TRPM6: variants seen among roughly 807,000 people sequenced by gnomAD.
TRPM6 encodes channel kinase 2.
A neutral mutation model predicts 247.6 loss-of-function variants in TRPM6; 111 were observed. The ratio of observed to expected loss-of-function variants is 0.45; its 90% CI spans 0.38 to 0.52. TRPM6 has a LOEUF of 0.52. TRPM6 is among the 20% of genes least tolerant of loss of function. TRPM6 has a pLI of 0.00. For missense variants in TRPM6, 2,126 were observed against 2,421.5 expected (o/e 0.88, Z 2.56); for synonymous variants, 892 against 853.8 (o/e 1.04, Z -0.78).
chr9:74,748,031 G>A (rs1374056279), intron 30 of TRPM6, 117 bp from the exon 31 acceptor site: 7 of 939,912 alleles, frequency 7.4e-6, no homozygotes, highest in Admixed American at 1.8e-5. Flanking sequence ...TTATATACAT[G>A]TGAAATACAT....
rs138641839 is a variant in TRPM6, at chr9:74,880,547, G to GAA, written c.33+7275_33+7276dup. ...AATGCAATGATATATTCAAAATACC[G>GAA]AAAAAAAAAGCACTGCCATCCAAGG... On this transcript the variant is annotated intron_variant, in intron 1 of 38. Coordinates refer to ENST00000360774, the MANE Select transcript of TRPM6 (RefSeq NM_017662.5). Among the ~76,000 whole-genome samples, 1,391 of 149,938 alleles carry GAA rather than the reference G, an allele frequency of 9.3e-3. 19 individuals are homozygous for GAA. The highest frequency in any genetic ancestry group is 0.033 in the African/African-American group (1,334 of 40,956).
intron 12 of TRPM6, 79 bp from the exon 13 acceptor site, chr9:74,810,947 A>AT: frequency 8.9e-7 from 1 of 1,119,416 alleles, no homozygotes; most frequent in South Asian, 1.3e-5. Flanking sequence ...TTCAGAATGC[A>AT]TAAGTAACTG....
chr9:74,736,440 G>T (rs1371682389), intron 36 of TRPM6, among the ~76,000 whole-genome samples: 2 of 152,136 alleles, frequency 1.3e-5, no homozygotes, highest in African/African-American at 4.8e-5. Context: ...AAACCATTAA[G>T]AGATTTTAAA....
chr9:74,758,865 T>A (rs1826527053), intron 27 of TRPM6, among the ~76,000 whole-genome samples: 1 of 152,152 alleles, frequency 6.6e-6, no homozygotes, highest in East Asian at 1.9e-4. Context: ...GATGACATGG[T>A]CATGTATACA....
chr9:74,796,688 T>A, intron 18 of TRPM6, 53 bp downstream of exon 18: 1 of 1,582,948 alleles, frequency 6.3e-7, no homozygotes, highest in South Asian at 1.1e-5. Flanking sequence ...GATGTGTATA[T>A]TTGCGTGCAG....
chr9:74,807,306 A>G (rs1228894743), intron 14 of TRPM6, among the ~76,000 whole-genome samples: 5 of 152,184 alleles, frequency 3.3e-5, no homozygotes. Context: ...GTCACAGCAG[A>G]AACATACCTG....
At chr9:74,818,942 T>C (rs1301368399) in intron 9 of TRPM6, among the ~76,000 whole-genome samples, 1 of 152,038 alleles carries the variant, frequency 6.6e-6, no homozygotes, top group Admixed American at 6.6e-5. Flanking sequence ...TCTAGAAAGA[T>C]CACCTTGAAT....
intron 22 of TRPM6, 86 bp downstream of exon 22, chr9:74,782,593 A>T (rs1179007810): frequency 2.3e-5 from 35 of 1,536,938 alleles, no homozygotes; most frequent in Admixed American, 3.4e-5. Flanking sequence ...CATTTTTAAG[A>T]TTTAGATGAT....
At chr9:74,765,769 G>C (rs576201402) in intron 25 of TRPM6, among the ~76,000 whole-genome samples, 4 of 152,220 alleles carry the variant, frequency 2.6e-5, no homozygotes, top group Non-Finnish European at 5.9e-5. Context: ...CAAGTCACAG[G>C]GATTGAAAGA....
chr9:74,838,875 C>G (rs1428642676), intron 5 of TRPM6, among the ~76,000 whole-genome samples: 1 of 151,916 alleles, frequency 6.6e-6, no homozygotes, highest in African/African-American at 2.4e-5. Flanking sequence ...TTTGGGAGGC[C>G]AAGGTGGGCA....
At chr9:74,790,571 C>T (rs1168177935) in intron 19 of TRPM6, among the ~76,000 whole-genome samples, 4 of 152,170 alleles carry the variant, frequency 2.6e-5, no homozygotes, top group Non-Finnish European at 5.9e-5. Context: ...CCCTACATAA[C>T]TGTAAGCTGT....
At chr9:74,810,520 G>T (rs1221298491) in intron 13 of TRPM6, among the ~76,000 whole-genome samples, 1 of 152,128 alleles carries the variant, frequency 6.6e-6, no homozygotes, top group African/African-American at 2.4e-5. Flanking sequence ...GCACCACCAC[G>T]GTATCGGGGT....
chr9:74,790,006 ATGTGTG>A (rs71912381), intron 19 of TRPM6, among the ~76,000 whole-genome samples: 14 of 132,816 alleles, frequency 1.1e-4, no homozygotes, highest in African/African-American at 1.4e-4. Context: ...TGAGAGAAAA[ATGTGTG>A]TGTGTGTGTG....
Position 74,751,959 on chromosome 9 carries a change from C to A in TRPM6, c.4998+318G>T, listed in dbSNP as rs116164657. Among the ~76,000 whole-genome samples the A allele has an allele frequency of 7.8e-3, 1,181 of 152,308 alleles. 9 individuals are homozygous for A. Among genetic ancestry groups the A allele is most frequent in the African/African-American group, 0.027 (1,133 of 41,586 alleles). The stretch of plus-strand genomic sequence containing the variant: ...GTATAGAAAATAGCTTATTTTTCTT[C>A]CACATGACAACTTTCATATATTTGA... On this transcript the variant is annotated intron_variant, in intron 29 of 38. Coordinates refer to ENST00000360774, the MANE Select transcript of TRPM6 (RefSeq NM_017662.5).
chr9:74,782,302 A>G (rs1827490607), intron 23 of TRPM6, 60 bp downstream of exon 23: 1 of 1,256,994 alleles, frequency 8.0e-7, no homozygotes, highest in Admixed American at 1.7e-5. Context: ...ATGTGAATCT[A>G]CTCAACATAT....
In TRPM6 at chr9:74,816,923, C is replaced by T; in HGVS notation, c.1176G>A (p.Leu392=). 1 of 1,614,146 alleles carries T rather than the reference C, an allele frequency of 6.2e-7. No individual in the cohort carries two copies. Among genetic ancestry groups the T allele is most frequent in the South Asian group, 1.1e-5 (1 of 91,078 alleles). The change falls in exon 10 of 39, where the codon CTG becomes CTA. Residue 392 remains leucine, a synonymous_variant. Transcript: ENST00000360774. The part of the protein sequence containing the change: ...FDADSEEQQD[L]DLAILTALLK... Reference sequence around the variant, plus strand: ...GCAAAGCTGTTAGGATTGCTAAGTCCAGGTCTTGCTGCTCTTCAGAGTCAG... The same window carrying T: ...GCAAAGCTGTTAGGATTGCTAAGTCTAGGTCTTGCTGCTCTTCAGAGTCAG...
chr9:74,756,681 CAAAA>C (rs1217543421), intron 27 of TRPM6, among the ~76,000 whole-genome samples: 3 of 51,772 alleles, frequency 5.8e-5, no homozygotes, highest in African/African-American at 1.3e-4. Context: ...CCCGTCTCTA[CAAAA>C]AAAAAAAAAA....
At position 74,737,340 on chromosome 9, in the gene TRPM6, A is replaced by G. The variant is rs1396405165; in HGVS notation, c.5776+1067T>C. ...ATGTGACACAAGTTTCAATCAAAGT[A>G]CTTTGCAGTCTTACCGGACATTGCT... On this transcript the variant is annotated intron_variant, in intron 36 of 38. Coordinates refer to ENST00000360774, the MANE Select transcript of TRPM6 (RefSeq NM_017662.5). The G allele has an allele frequency of 7.8e-6, 10 of 1,281,524 alleles. No individual in the cohort carries two copies. In the Admixed American group the frequency reaches 2.4e-4, roughly 30 times the overall value. The allele number at this position is 1,281,524 out of a possible 1,614,324, so 79.4% of individuals were successfully genotyped here. A position where few individuals can be genotyped will look rare whatever the true frequency, so the allele number is the denominator to read the frequency against.
At chr9:74,876,273 G>A (rs1033390435) in intron 1 of TRPM6, among the ~76,000 whole-genome samples, 2 of 151,992 alleles carry the variant, frequency 1.3e-5, no homozygotes, top group African/African-American at 4.8e-5. Flanking sequence ...TAGTAGAGAC[G>A]GGGTTTCATC....
Sources: gnomAD v4.1 joint callset for allele counts (sites outside exome capture counted in the v4.1 genomes callset) on GRCh38, gnomAD v4.1.1 for gene constraint, MANE v1.5 for transcripts, NCBI Gene and HGNC (gene_info 2026-07-23, HGNC 2026-07-21) for gene names.